Variants in MYLK observed in about 807,000 individuals in gnomAD.
MYLK encodes myosin light chain kinase, smooth muscle.
MYLK carries 106 observed loss-of-function variants against 203.4 expected under a neutral mutation model. The ratio of observed to expected loss-of-function variants is 0.52; its 90% CI spans 0.45 to 0.61. The LOEUF (loss-of-function observed/expected upper bound fraction) is 0.61. Ranked by LOEUF, MYLK falls within the 20% of genes least tolerant of loss-of-function variation. The pLI is 0.00. For missense variants in MYLK, 2,072 were observed against 2,442.3 expected, an observed-to-expected ratio of 0.85 and a Z score of 3.20; for synonymous variants, 867 against 959.5, an observed-to-expected ratio of 0.90 and a Z score of 1.78.
chr3:123,659,893 C>A (rs1331995829), intron 23 of MYLK, among the ~76,000 whole-genome samples: 1 of 152,188 alleles, frequency 6.6e-6, no homozygotes, highest in Non-Finnish European at 1.5e-5. Context: ...CCAGTGGCAC[C>A]AGCTCCAGGA....
chr3:123,872,615 G>T (rs2032875356), intron 2 of MYLK, among the ~76,000 whole-genome samples: 2 of 152,044 alleles, frequency 1.3e-5, no homozygotes, highest in African/African-American at 4.8e-5. Flanking sequence ...CCTTATATTT[G>T]CCAGTTTATT....
At chr3:123,830,864 C>T (rs752089140) in intron 3 of MYLK, among the ~76,000 whole-genome samples, 7 of 152,288 alleles carry the variant, frequency 4.6e-5, no homozygotes, top group Admixed American at 2.0e-4. Flanking sequence ...AAATCCCAAA[C>T]GATCACCCAC....
At chr3:123,615,692 AG>A (rs1169685054) in intron 33 of MYLK, among the ~76,000 whole-genome samples, 1 of 146,956 alleles carries the variant, frequency 6.8e-6, no homozygotes, top group Non-Finnish European at 1.5e-5. Context: ...TATGTTGCCT[AG>A]GCAGGAGTGC....
chr3:123,870,103 A>G (rs746523745), intron 2 of MYLK, among the ~76,000 whole-genome samples: 4 of 152,204 alleles, frequency 2.6e-5, no homozygotes, highest in Non-Finnish European at 4.4e-5. Context: ...GAAAGGGGTC[A>G]ATCAAGCCCT....
At chr3:123,710,757 C>T (rs1314103074) in intron 13 of MYLK, among the ~76,000 whole-genome samples, 1 of 152,184 alleles carries the variant, frequency 6.6e-6, no homozygotes, top group Non-Finnish European at 1.5e-5. Context: ...CATATCCATA[C>T]AAAGTCTTGT....
intron 3 of MYLK, among the ~76,000 whole-genome samples, chr3:123,797,419 G>A (rs1161714415): frequency 6.6e-6 from 1 of 152,166 alleles, no homozygotes; most frequent in Non-Finnish European, 1.5e-5. Flanking sequence ...AGTGGGGCAT[G>A]TGTGTTGTTG....
At chr3:123,881,760 G>A (rs1341817627) in intron 1 of MYLK, among the ~76,000 whole-genome samples, 3 of 152,134 alleles carry the variant, frequency 2.0e-5, no homozygotes, top group East Asian at 3.9e-4. Flanking sequence ...AAGACACTGA[G>A]TATATGGTGA....
intron 20 of MYLK, among the ~76,000 whole-genome samples, chr3:123,670,656 T>C (rs1444468427): frequency 1.3e-5 from 2 of 152,132 alleles, no homozygotes; most frequent in East Asian, 3.9e-4. Context: ...TTGGGAGGGA[T>C]TGCTTGAGCC....
At chr3:123,847,684 T>C (rs1042664673) in intron 2 of MYLK, among the ~76,000 whole-genome samples, 4 of 152,180 alleles carry the variant, frequency 2.6e-5, no homozygotes, top group African/African-American at 9.6e-5. Flanking sequence ...GCATTATTAA[T>C]CTGTTAATAT....
chr3:123,787,869 C>T (rs2064599463), intron 4 of MYLK, among the ~76,000 whole-genome samples: 1 of 152,186 alleles, frequency 6.6e-6, no homozygotes, highest in African/African-American at 2.4e-5. Context: ...TTCTTGTTTA[C>T]CCTTTCTCCA....
chr3:123,715,053 G>C (rs1430661175), intron 13 of MYLK, among the ~76,000 whole-genome samples: 2 of 152,130 alleles, frequency 1.3e-5, no homozygotes, highest in Non-Finnish European at 2.9e-5. Context: ...GCAAAGGAAG[G>C]GGGAGAGAAT....
intron 2 of MYLK, among the ~76,000 whole-genome samples, chr3:123,840,822 A>G (rs1331752369): frequency 6.6e-6 from 1 of 152,116 alleles, no homozygotes; most frequent in African/African-American, 2.4e-5. Flanking sequence ...CATTTTATTT[A>G]GATATTTAAA....
intron 4 of MYLK, among the ~76,000 whole-genome samples, chr3:123,770,643 C>T (rs2063850014): frequency 6.6e-6 from 1 of 152,148 alleles, no homozygotes; most frequent in Non-Finnish European, 1.5e-5. Context: ...CGGCTGGCAC[C>T]TGGTAGGTGC....
chr3:123,775,342 G>A (rs375688808), intron 4 of MYLK, among the ~76,000 whole-genome samples: 32 of 152,270 alleles, frequency 2.1e-4, no homozygotes, highest in African/African-American at 7.5e-4. Flanking sequence ...TCTCAGCATC[G>A]GCAGATCTCA....
intron 33 of MYLK, among the ~76,000 whole-genome samples, chr3:123,615,501 T>G (rs1428111335): frequency 6.6e-6 from 1 of 151,820 alleles, no homozygotes; most frequent in African/African-American, 2.4e-5. Flanking sequence ...ACCCGGCTAA[T>G]TTTTGTATTT....
intron 14 of MYLK, 193 bp from the exon 15 acceptor site, chr3:123,709,088 T>C (rs2061579352): frequency 3.7e-6 from 2 of 534,758 alleles, no homozygotes; most frequent in Non-Finnish European, 6.7e-6. Flanking sequence ...AAAATTTGAA[T>C]AGTGCAACTG....
At chr3:123,849,286 T>A (rs1201927692) in intron 2 of MYLK, among the ~76,000 whole-genome samples, 1 of 152,170 alleles carries the variant, frequency 6.6e-6, no homozygotes, top group African/African-American at 2.4e-5. Flanking sequence ...AACTTATTTT[T>A]CATATGTTAA....
In MYLK at chr3:123,657,283, C is replaced by A. The variant is rs756697460; in HGVS notation, c.4131G>T (p.Thr1377=). 21 of 1,614,126 alleles carry A rather than the reference C, an allele frequency of 1.3e-5. No homozygotes were observed. Among genetic ancestry groups the A allele is most frequent in the Non-Finnish European group, 1.8e-5 (21 of 1,180,044 alleles). Residue 1377 remains threonine, a synonymous_variant, in exon 24 of 34, where the codon ACG becomes ACT. Coordinates refer to ENST00000360304, the MANE Select transcript of MYLK (RefSeq NM_053025.4). The part of the protein sequence containing the change: ...SIEIWDSANK[T]WKELATCRST... ...TGCGGCATGTGGCTAGTTCCTTCCACGTCTTGTTGGCTGAGTCCCAGATCT... is the reference window on the plus strand; with the variant it reads ...TGCGGCATGTGGCTAGTTCCTTCCAAGTCTTGTTGGCTGAGTCCCAGATCT...
intron 2 of MYLK, among the ~76,000 whole-genome samples, chr3:123,853,759 G>A (rs373487374): frequency 9.2e-5 from 14 of 152,048 alleles, no homozygotes; most frequent in Admixed American, 9.2e-4. Flanking sequence ...GAGAGCTTAG[G>A]ATAAGGATGA....
Sources: gnomAD v4.1 joint callset for allele counts (sites outside exome capture counted in the v4.1 genomes callset) on GRCh38, gnomAD v4.1.1 for gene constraint, MANE v1.5 for transcripts, NCBI Gene and HGNC (gene_info 2026-07-23, HGNC 2026-07-21) for gene names.